The following SREBF2 variants were observed in gnomAD, a reference collection of about 807,000 sequenced individuals.
The protein encoded by SREBF2 is sterol regulatory element binding transcription factor 2.
Under a neutral mutation model 113.1 loss-of-function variants are expected in SREBF2, and 55 were observed. That is an observed-to-expected ratio of 0.49 (90% CI 0.39 to 0.61). SREBF2 has a LOEUF of 0.61. SREBF2 is among the 20% of genes least tolerant of loss of function. The pLI, the probability that SREBF2 is intolerant of heterozygous loss-of-function variation, is 0.00. For missense variants in SREBF2, 1,349 were observed against 1,487.4 expected (o/e 0.91, Z 1.53); for synonymous variants, 593 against 605.7 (o/e 0.98, Z 0.31).
intron 12 of SREBF2, 90 bp downstream of exon 12, chr22:41,893,375 G>T (rs1050780280): frequency 5.8e-6 from 8 of 1,390,564 alleles, no homozygotes; most frequent in African/African-American, 1.4e-5. Context: ...GCGGAGACAC[G>T]GGTTGTCTCT....
At chr22:41,837,816 C>A (rs1358827247) in intron 1 of SREBF2, among the ~76,000 whole-genome samples, 2 of 149,756 alleles carry the variant, frequency 1.3e-5, no homozygotes, top group African/African-American at 4.9e-5. Context: ...CGAGATCGCG[C>A]CATTGCACTC....
chr22:41,864,130 T>C (rs1288706256), intron 1 of SREBF2, among the ~76,000 whole-genome samples: 3 of 148,278 alleles, frequency 2.0e-5, no homozygotes, highest in African/African-American at 7.5e-5. Context: ...CCACCTGCCT[T>C]GGCCTCCCAA....
chr22:41,845,581 T>C lies in SREBF2; in HGVS notation c.88+12223T>C, dbSNP rs112267959. Among the ~76,000 whole-genome samples the C allele has an allele frequency of 1.5e-4, 23 of 152,262 alleles. 1 individual carries two copies. The highest frequency in any genetic ancestry group is 5.5e-4 in the African/African-American group (23 of 41,542). On this transcript the variant is annotated intron_variant, in intron 1 of 18. Transcript: ENST00000361204. Reference sequence around the variant, plus strand: ...GAGCTAACATGTAAACATCCAGTCATAATACATGGGAAAATACAACAGAGG... The same window carrying C: ...GAGCTAACATGTAAACATCCAGTCACAATACATGGGAAAATACAACAGAGG...
rs1175220427 is a variant in SREBF2, at chr22:41,905,511, C to T, written c.3277C>T (p.Leu1093Phe). The T allele has an allele frequency of 6.3e-7, 1 of 1,582,534 alleles. No individual in the cohort carries two copies. Among genetic ancestry groups the T allele is most frequent in the Non-Finnish European group, 8.6e-7 (1 of 1,164,796 alleles). ...AILLACRHLPLSFLSSPGQRA... is the reference protein window; with the variant it reads ...AILLACRHLPFSFLSSPGQRA... ...CCTGCTGGCCTGCCGCCACCTGCCC[C>T]TCTCCTTCCTCTCCTCCCCGGGCCA... The change falls in exon 19 of 19, where the codon CTC becomes TTC. Residue 1093 changes from leucine to phenylalanine, a missense_variant. By Grantham distance (22) the Leu-to-Phe change is conservative. Transcript: ENST00000361204.
intron 13 of SREBF2, among the ~76,000 whole-genome samples, chr22:41,896,180 G>A (rs1024527235): frequency 1.3e-5 from 2 of 151,630 alleles, no homozygotes; most frequent in African/African-American, 4.8e-5. Context: ...GAAATGTGAC[G>A]AGCTCAGCAG....
intron 11 of SREBF2, among the ~76,000 whole-genome samples, chr22:41,891,987 A>G (rs908596341): frequency 6.6e-6 from 1 of 152,168 alleles, no homozygotes; most frequent in African/African-American, 2.4e-5. Context: ...GGGCCCAGTG[A>G]CCGGGGCCCT....
chr22:41,888,435 T>C lies in SREBF2; in HGVS notation c.2208+3424T>C, dbSNP rs542046573. Among the ~76,000 whole-genome samples, 21 of 151,814 alleles carry C rather than the reference T, an allele frequency of 1.4e-4. No individual in the cohort carries two copies. In the South Asian group the frequency reaches 4.2e-3, roughly 30 times the overall value. ...CCAAGTGGCACCTTTTTTTCATAAA[T>C]CAAGGATCCGTGTACCGTGGGTCTG... is the stretch of plus-strand genomic sequence containing the variant. On this transcript the variant is annotated intron_variant, in intron 11 of 18. Coordinates refer to ENST00000361204, the MANE Select transcript of SREBF2 (RefSeq NM_004599.4).
chr22:41,838,928 A>G (rs1217922286), intron 1 of SREBF2, among the ~76,000 whole-genome samples: 1 of 152,126 alleles, frequency 6.6e-6, no homozygotes, highest in African/African-American at 2.4e-5. Context: ...TTCTCCCTGC[A>G]GAAACCCAGT....
chr22:41,904,782 A>C, intron 17 of SREBF2, 81 bp from the exon 18 acceptor site: 1 of 1,134,094 alleles, frequency 8.8e-7, no homozygotes, highest in Non-Finnish European at 1.3e-6. Flanking sequence ...GTGGCAGGCG[A>C]GATGGCTCAG....
intron 3 of SREBF2, among the ~76,000 whole-genome samples, chr22:41,869,717 T>C (rs1281170123): frequency 6.6e-6 from 1 of 151,466 alleles, no homozygotes; most frequent in African/African-American, 2.4e-5. Context: ...ACTCCTGGCC[T>C]CAAACAGTGC....
At chr22:41,904,317 C>G (rs1218020394) in intron 17 of SREBF2, among the ~76,000 whole-genome samples, 1 of 152,188 alleles carries the variant, frequency 6.6e-6, no homozygotes, top group Non-Finnish European at 1.5e-5. Context: ...ATAAAGGCAT[C>G]AAAAAGAGCT....
chr22:41,903,043 G>A lies in SREBF2; in HGVS notation c.2981G>A (p.Ser994Asn). 6.2e-7 allele frequency: 1 copy of A among 1,608,762 alleles called. No individual in the cohort carries two copies. Among genetic ancestry groups the A allele is most frequent in the Admixed American group, 1.7e-5 (1 of 59,606 alleles). The change falls in exon 17 of 19, where the codon AGC (serine) becomes AAC (asparagine). Residue 994 changes from serine (S) to asparagine (N), a missense_variant. Coordinates refer to ENST00000361204, the MANE Select transcript of SREBF2 (RefSeq NM_004599.4). ...TALWQKQASA[S>N]QAVGETYHAS... is the part of the protein sequence containing the mutation. ...CTCTGGCAAAAACAGGCCAGTGCCA[G>A]CCAGGCTGTGGGGGAGACCTACCAC...
In SREBF2 at chr22:41,893,059, T is replaced by C. The variant is rs1473473570; in HGVS notation, c.2209-58T>C. ...CCATGGTGCTTTCTGCACCCCACAGTGGCTGCAGCCAGCATTCTGCCACCT... is the reference window on the plus strand; with the variant it reads ...CCATGGTGCTTTCTGCACCCCACAGCGGCTGCAGCCAGCATTCTGCCACCT... On this transcript the variant is annotated intron_variant, in intron 11 of 18. Coordinates refer to ENST00000361204, the MANE Select transcript of SREBF2 (RefSeq NM_004599.4). The C allele has an allele frequency of 5.0e-6, 8 of 1,596,520 alleles. No homozygotes were observed. In the East Asian group the frequency reaches 1.8e-4, roughly 36 times the overall value.
intron 1 of SREBF2, among the ~76,000 whole-genome samples, chr22:41,835,379 C>T (rs1206502510): frequency 7.1e-6 from 1 of 140,496 alleles, no homozygotes; most frequent in African/African-American, 2.7e-5. Context: ...GGCGCGATCT[C>T]GGCTCACCGC....
intron 13 of SREBF2, among the ~76,000 whole-genome samples, chr22:41,895,746 T>C (rs2077410254): frequency 6.6e-6 from 1 of 151,356 alleles, no homozygotes; most frequent in Non-Finnish European, 1.5e-5. Flanking sequence ...GGTGCACCCA[T>C]TTTTATGTAT....
In SREBF2 at chr22:41,904,883, C is replaced by A. The variant is rs148027800; in HGVS notation, c.3114C>A (p.Thr1038=). Residue 1038 remains threonine, a synonymous_variant, in exon 18 of 19, where the codon ACC becomes ACA. Coordinates refer to ENST00000361204, the MANE Select transcript of SREBF2 (RefSeq NM_004599.4). ...AYRKVFLHEA[T]VRLMAGASPT... is the part of the protein sequence containing the mutation. ...CCCAGGTGTTCCTGCATGAAGCCAC[C>A]GTGCGCCTGATGGCAGGAGCCAGCC... 6.2e-7 allele frequency: 1 copy of A among 1,600,690 alleles called. No individual in the cohort carries two copies. The highest frequency in any genetic ancestry group is 8.5e-7 in the Non-Finnish European group (1 of 1,176,094).
Position 41,903,149 on chromosome 22 carries a change from C to CA in SREBF2, c.3087_3088insA (p.Arg1030ThrfsTer7). The CA allele has an allele frequency of 6.4e-7, 1 of 1,551,958 alleles. No individual in the cohort carries two copies. ...TGGCACACAGCTTCCGCCCAGCATA[C>CA]CGCAAGGTGAGGCCCAGCTGGCTGG... On this transcript the variant is annotated frameshift_variant, in exon 17 of 19. Transcript: ENST00000361204. LOFTEE classifies it high-confidence loss of function.
At chr22:41,869,198 G>A (rs540538246) in intron 3 of SREBF2, among the ~76,000 whole-genome samples, 2 of 152,186 alleles carry the variant, frequency 1.3e-5, no homozygotes, top group Admixed American at 6.5e-5. Flanking sequence ...TCCGCCTCCC[G>A]GGTTCAAGCA....
intron 4 of SREBF2, among the ~76,000 whole-genome samples, chr22:41,871,582 A>C (rs529876437): frequency 3.1e-4 from 47 of 152,348 alleles, no homozygotes; most frequent in South Asian, 8.3e-4. Context: ...CAATGAAATT[A>C]TGCCTAGCAA....
Sources: allele counts gnomAD v4.1 joint callset (sites outside exome capture counted in the v4.1 genomes callset), GRCh38; gene constraint gnomAD v4.1.1; transcripts MANE v1.5; gene names NCBI Gene and HGNC (gene_info 2026-07-23, HGNC 2026-07-21).